The following SYNPR variants were observed in gnomAD, a reference collection of about 807,000 sequenced individuals.
The protein encoded by SYNPR is synaptoporin.
SYNPR carries 23 observed loss-of-function variants against 32.9 expected under a neutral mutation model. The observed-to-expected ratio is 0.70, with a 90% CI of 0.50 to 0.99. SYNPR has a LOEUF of 0.99. SYNPR is among the 50% of genes least tolerant of loss of function. The pLI is 0.00. For synonymous variants in SYNPR, 146 were observed against 135.9 expected, an observed-to-expected ratio of 1.07 and a Z score of -0.52; for missense variants, 318 against 349.3, an observed-to-expected ratio of 0.91 and a Z score of 0.71.
chr3:63,534,316 G>A (rs189614072), intron 3 of SYNPR, among the ~76,000 whole-genome samples: 3 of 152,194 alleles, frequency 2.0e-5, no homozygotes, highest in Admixed American at 1.3e-4. Flanking sequence ...TTCTCATGTG[G>A]GTACAGAACC....
intron 3 of SYNPR, among the ~76,000 whole-genome samples, chr3:63,483,537 A>G (rs1023049249): frequency 2.6e-5 from 4 of 152,192 alleles, no homozygotes; most frequent in African/African-American, 9.6e-5. Context: ...CAGAGGTCAT[A>G]CATTTACTTT....
intron 2 of SYNPR, among the ~76,000 whole-genome samples, chr3:63,320,432 A>C (rs1368595463): frequency 6.6e-6 from 1 of 152,038 alleles, no homozygotes; most frequent in Non-Finnish European, 1.5e-5. Context: ...TTGCAGAACA[A>C]GCTGAAGAAA....
At chr3:63,378,739 G>A (rs2087927280) in intron 2 of SYNPR, among the ~76,000 whole-genome samples, 1 of 151,656 alleles carries the variant, frequency 6.6e-6, no homozygotes, top group Non-Finnish European at 1.5e-5. Context: ...CTCATTTCTA[G>A]TATTAGTAAT....
intron 2 of SYNPR, among the ~76,000 whole-genome samples, chr3:63,377,928 G>A (rs1050105427): frequency 1.6e-4 from 24 of 151,870 alleles, no homozygotes; most frequent in African/African-American, 4.8e-4. Context: ...ATAAGAAGTT[G>A]TATTGGTTCA....
At chr3:63,456,686 T>C (rs924238418) in intron 2 of SYNPR, among the ~76,000 whole-genome samples, 2 of 152,122 alleles carry the variant, frequency 1.3e-5, no homozygotes, top group Non-Finnish European at 2.9e-5. Context: ...CCACCATCCA[T>C]GCTCTTAACC....
chr3:63,303,327 G>A (rs2086876931), intron 2 of SYNPR, among the ~76,000 whole-genome samples: 1 of 151,770 alleles, frequency 6.6e-6, no homozygotes, highest in Non-Finnish European at 1.5e-5. Context: ...TTTGTCAGAA[G>A]ACCCTGATCT....
chr3:63,437,142 G>T (rs1191737282), intron 2 of SYNPR, among the ~76,000 whole-genome samples: 1 of 147,902 alleles, frequency 6.8e-6, no homozygotes. Flanking sequence ...CTCCCAGAGT[G>T]CTGGGATTAG....
chr3:63,358,473 A>G (rs2087613213), intron 2 of SYNPR, among the ~76,000 whole-genome samples: 1 of 152,184 alleles, frequency 6.6e-6, no homozygotes, highest in South Asian at 2.1e-4. Context: ...GTCCACCTGG[A>G]TAAGCCAGAA....
At chr3:63,521,435 G>A (rs1438614185) in intron 3 of SYNPR, among the ~76,000 whole-genome samples, 2 of 152,204 alleles carry the variant, frequency 1.3e-5, no homozygotes, top group African/African-American at 4.8e-5. Flanking sequence ...TGCGTGCTGA[G>A]TACCAGGCAC....
intron 2 of SYNPR, among the ~76,000 whole-genome samples, chr3:63,385,159 T>C (rs1011728274): frequency 3.9e-5 from 6 of 152,204 alleles, no homozygotes; most frequent in African/African-American, 1.4e-4. Flanking sequence ...TATCCTTCTT[T>C]AAGAAGATGG....
chr3:63,295,449 C>T, intron 2 of SYNPR, among the ~76,000 whole-genome samples: 1 of 152,126 alleles, frequency 6.6e-6, no homozygotes, highest in East Asian at 1.9e-4. Flanking sequence ...AAAAAAGACC[C>T]TCCGTGGTTA....
chr3:63,441,789 C>T lies in SYNPR; in HGVS notation c.85-39043C>T, dbSNP rs1478069702. On this transcript the variant is annotated intron_variant, in intron 2 of 5. Transcript: ENST00000478300. The stretch of plus-strand genomic sequence containing the variant: ...AGCACCCCAAAAGCTCAGGCATAGG[C>T]AACAAGCGGATCGAAAGAGATGGAG... Among the ~76,000 whole-genome samples, 4 of 152,164 alleles carry T rather than the reference C, an allele frequency of 2.6e-5. No homozygotes were observed. The East Asian group carries it at 7.7e-4, about 29-fold the overall frequency.
intron 2 of SYNPR, among the ~76,000 whole-genome samples, chr3:63,359,009 C>T (rs2087622061): frequency 1.3e-5 from 2 of 152,128 alleles, no homozygotes; most frequent in South Asian, 4.1e-4. Flanking sequence ...AATAGTCTTC[C>T]ATTATTTTTT....
intron 2 of SYNPR, among the ~76,000 whole-genome samples, chr3:63,426,504 G>A (rs897271288): frequency 1.3e-5 from 2 of 152,288 alleles, no homozygotes; most frequent in African/African-American, 4.8e-5. Flanking sequence ...GAGTTTTAAG[G>A]AGTTGAATGT....
At chr3:63,572,653 G>C (rs1702908456) in intron 4 of SYNPR, among the ~76,000 whole-genome samples, 1 of 151,982 alleles carries the variant, frequency 6.6e-6, no homozygotes, top group Non-Finnish European at 1.5e-5. Context: ...AACTCTTTTT[G>C]CCATTTAAAA....
intron 4 of SYNPR, among the ~76,000 whole-genome samples, chr3:63,599,327 T>C (rs1333693721): frequency 6.6e-6 from 1 of 152,182 alleles, no homozygotes; most frequent in Non-Finnish European, 1.5e-5. Context: ...CACATTCAAC[T>C]TCCAGTGCTG....
chr3:63,354,465 G>C (rs1329959242), intron 2 of SYNPR, among the ~76,000 whole-genome samples: 2 of 152,082 alleles, frequency 1.3e-5, no homozygotes, highest in African/African-American at 2.4e-5. Context: ...CAAGTCCCTT[G>C]TCCTCTTTGA....
At chr3:63,395,719 T>C (rs558958285) in intron 2 of SYNPR, among the ~76,000 whole-genome samples, 1 of 152,294 alleles carries the variant, frequency 6.6e-6, no homozygotes, top group South Asian at 2.1e-4. Context: ...CCAAGTATTG[T>C]ACGTATATAC....
At chr3:63,332,255 G>T (rs918597203) in intron 2 of SYNPR, among the ~76,000 whole-genome samples, 1 of 152,104 alleles carries the variant, frequency 6.6e-6, no homozygotes, top group African/African-American at 2.4e-5. Context: ...AGCTCACCCT[G>T]TGTGTTCAGA....
Sources: allele counts gnomAD v4.1 joint callset (sites outside exome capture counted in the v4.1 genomes callset), GRCh38; gene constraint gnomAD v4.1.1; transcripts MANE v1.5; gene names NCBI Gene and HGNC (gene_info 2026-07-23, HGNC 2026-07-21).